OCLN: variants seen among roughly 807,000 people sequenced by gnomAD.
OCLN encodes occludin.
A neutral mutation model predicts 47.9 loss-of-function variants in OCLN; 21 were observed. The ratio of observed to expected loss-of-function variants is 0.44; its 90% CI spans 0.31 to 0.63. OCLN has a LOEUF of 0.63. OCLN is among the 30% of genes least tolerant of loss of function. The probability of loss-of-function intolerance (pLI) is 0.08; values close to 1 mark genes in which losing one functional copy is unlikely to be tolerated. For synonymous variants in OCLN, 117 were observed against 198.4 expected (o/e 0.59, Z 3.45); for missense variants, 360 against 571.0 (o/e 0.63, Z 3.77).
At position 69,493,918 on chromosome 5, in the gene OCLN, G is replaced by T. The variant is rs538381310; in HGVS notation, c.-69+1018G>T. On this transcript the variant is annotated intron_variant, in intron 1 of 8. Coordinates refer to ENST00000396442, the MANE Select transcript of OCLN (RefSeq NM_001205254.2). The surrounding 1 kb of genome is among the most constrained non-coding windows in gnomAD (Gnocchi z 5.3). The stretch of plus-strand genomic sequence containing the variant: ...CCACCGGGCCCGAGGGAAAAGCCGC[G>T]GCATCCTTAGGCCGGACCCGGGGCT... Among the ~76,000 whole-genome samples, 61 of 152,340 alleles carry T rather than the reference G, an allele frequency of 4.0e-4. No individual in the cohort carries two copies. Among genetic ancestry groups the T allele is most frequent in the African/African-American group, 1.4e-3 (59 of 41,578 alleles).
intron 1 of OCLN, among the ~76,000 whole-genome samples, chr5:69,502,617 G>C (rs1768492408): frequency 1.3e-5 from 2 of 152,188 alleles, no homozygotes; most frequent in South Asian, 4.1e-4. Context: ...GGTATAACCT[G>C]GAAAGAATTT....
chr5:69,524,017 C>T (rs1413671002), intron 4 of OCLN, among the ~76,000 whole-genome samples: 3 of 152,014 alleles, frequency 2.0e-5, no homozygotes, highest in Non-Finnish European at 4.4e-5. Flanking sequence ...GGCCTGGTGG[C>T]GCATGCCTGT....
chr5:69,530,028 C>A (rs1769387343), intron 4 of OCLN, among the ~76,000 whole-genome samples: 1 of 152,106 alleles, frequency 6.6e-6, no homozygotes. Flanking sequence ...TTATGCCTAG[C>A]TGGTTTTCTC....
intron 4 of OCLN, among the ~76,000 whole-genome samples, chr5:69,516,102 G>T (rs1244344601): frequency 6.6e-6 from 1 of 151,704 alleles, no homozygotes; most frequent in Non-Finnish European, 1.5e-5. Flanking sequence ...GGTGGCGGCC[G>T]GGCAGAGGCT....
At chr5:69,514,779 A>G (rs895711993) in intron 4 of OCLN, among the ~76,000 whole-genome samples, 15 of 152,134 alleles carry the variant, frequency 9.9e-5, no homozygotes, top group South Asian at 4.1e-4. Context: ...ATCTTGCACC[A>G]CTCTTAATCC....
chr5:69,530,243 A>G (rs2112047897), intron 4 of OCLN, among the ~76,000 whole-genome samples: 1 of 152,296 alleles, frequency 6.6e-6, no homozygotes, highest in African/African-American at 2.4e-5. Flanking sequence ...CTTTAACTAC[A>G]TCATTGAGTT....
chr5:69,545,212 AG>A (rs1165711093), intron 6 of OCLN, 93 bp downstream of exon 6: 1 of 1,149,732 alleles, frequency 8.7e-7, no homozygotes, highest in African/African-American at 1.7e-5. Flanking sequence ...TCCCAAATTG[AG>A]GTCACTGGTG....
intron 4 of OCLN, among the ~76,000 whole-genome samples, chr5:69,515,645 C>A (rs1352840598): frequency 2.0e-5 from 3 of 151,182 alleles, no homozygotes; most frequent in East Asian, 3.9e-4. Flanking sequence ...CTGACCCCCC[C>A]ACCTCCCTCC....
At chr5:69,497,207 A>G (rs1267960506) in intron 1 of OCLN, among the ~76,000 whole-genome samples, 5 of 149,984 alleles carry the variant, frequency 3.3e-5, no homozygotes, top group Non-Finnish European at 5.9e-5. Context: ...GCTTCCTAAC[A>G]TTGAGATGAA....
At chr5:69,502,184 C>T (rs187366021) in intron 1 of OCLN, among the ~76,000 whole-genome samples, 5 of 145,442 alleles carry the variant, frequency 3.4e-5, no homozygotes, top group East Asian at 2.0e-4. Context: ...GGTGACAGAG[C>T]GAGACTCGGC....
chr5:69,532,114 T>C (rs960416862), intron 4 of OCLN, among the ~76,000 whole-genome samples: 2 of 152,226 alleles, frequency 1.3e-5, no homozygotes, highest in Non-Finnish European at 2.9e-5. Flanking sequence ...AAAATAACTT[T>C]ATGTACTAGG....
chr5:69,494,574 T>G (rs893758981), intron 1 of OCLN, among the ~76,000 whole-genome samples: 4 of 151,972 alleles, frequency 2.6e-5, no homozygotes, highest in Admixed American at 6.6e-5. Flanking sequence ...AAGCAACACT[T>G]TTTTTTTGGT....
chr5:69,500,591 A>G (rs1768430098), intron 1 of OCLN, among the ~76,000 whole-genome samples: 1 of 151,982 alleles, frequency 6.6e-6, no homozygotes. Flanking sequence ...TAGTAGAGAT[A>G]GGGTTTCACC....
chr5:69,500,835 C>G (rs548783467), intron 1 of OCLN, among the ~76,000 whole-genome samples: 2 of 152,284 alleles, frequency 1.3e-5, no homozygotes, highest in South Asian at 4.1e-4. Flanking sequence ...TCCAAAACTA[C>G]CACTGAACCT....
chr5:69,495,059 C>T (rs186960083), intron 1 of OCLN, among the ~76,000 whole-genome samples: 9 of 152,266 alleles, frequency 5.9e-5, no homozygotes, highest in Admixed American at 3.3e-4. Context: ...GGAATTACTA[C>T]CTTTTCAAAA....
In OCLN at chr5:69,493,007, T is replaced by TGGTTTCGGTGGC. The variant is rs1363309387; in HGVS notation, c.-69+108_-69+119dup. ...GTGCCGGGGGGAGGACGCTCCGCGC[T>TGGTTTCGGTGGC]GGTTTCGGTGGCAGTTTCGTCCCCG... On this transcript the variant is annotated intron_variant, in intron 1 of 8. Coordinates refer to ENST00000396442, the MANE Select transcript of OCLN (RefSeq NM_001205254.2). This position sits in a 1 kb window ranked among gnomAD's most constrained non-coding sequence, Gnocchi z 5.3. 6.6e-6 allele frequency: 1 copy of TGGTTTCGGTGGC among 151,818 alleles called. No homozygotes were observed. The highest frequency in any genetic ancestry group is 1.5e-5 in the Non-Finnish European group (1 of 68,158). The allele number at this position is 151,818 out of a possible 1,614,324, so 9.4% of individuals were successfully genotyped here.
At position 69,555,566 on chromosome 5, in the gene OCLN, G is replaced by A. The variant is rs1346649524; in HGVS notation, c.*1895G>A. 2.0e-5 allele frequency: 3 copies of A among 152,004 alleles called. No homozygotes were observed. The highest frequency in any genetic ancestry group is 7.3e-5 in the African/African-American group (3 of 41,346). The allele number at this position is 152,004 out of a possible 1,614,324, so 9.4% of individuals were successfully genotyped here. A position where few individuals can be genotyped will look rare whatever the true frequency, so the allele number is the denominator to read the frequency against. ...TTAGAGGCGTGAGCCACTGTGCCCG[G>A]CCTATAATTTTTGATAGATGATTTT... On this transcript the variant is annotated 3_prime_UTR_variant, in exon 9 of 9. Transcript: ENST00000396442.
chr5:69,516,771 T>G (rs1442661445), intron 4 of OCLN, among the ~76,000 whole-genome samples: 2 of 152,120 alleles, frequency 1.3e-5, no homozygotes, highest in South Asian at 4.1e-4. Flanking sequence ...TAGAGCTTTT[T>G]AGAGGCCAGG....
At chr5:69,524,440 G>A (rs1367569628) in intron 4 of OCLN, among the ~76,000 whole-genome samples, 1 of 152,146 alleles carries the variant, frequency 6.6e-6, no homozygotes, top group Non-Finnish European at 1.5e-5. Flanking sequence ...GTATAACTTA[G>A]CAACATGATT....
Sources: gnomAD v4.1 joint callset for allele counts (sites outside exome capture counted in the v4.1 genomes callset) on GRCh38, gnomAD v4.1.1 for gene constraint, Gnocchi (gnomAD v3.1) non-coding constraint, MANE v1.5 for transcripts, NCBI Gene and HGNC (gene_info 2026-07-23, HGNC 2026-07-21) for gene names.